ACOT9: variants seen among roughly 807,000 people sequenced by gnomAD.
ACOT9 encodes acyl-coenzyme A thioesterase 9, mitochondrial.
A neutral mutation model predicts 39.7 loss-of-function variants in ACOT9; 34 were observed. The ratio of observed to expected loss-of-function variants is 0.86; its 90% CI spans 0.65 to 1.14. The LOEUF (loss-of-function observed/expected upper bound fraction) is 1.14, where lower values mean the gene tolerates loss of function less well. ACOT9 is among the 50% of genes most tolerant of loss of function. ACOT9 has a pLI of 0.00. For synonymous variants in ACOT9, 110 were observed against 120.5 expected, an observed-to-expected ratio of 0.91 and a Z score of 0.57; for missense variants, 313 against 344.1, an observed-to-expected ratio of 0.91 and a Z score of 0.71.
At chrX:23,731,861 GAGA>G (rs1929766397) in intron 4 of ACOT9, among the ~76,000 whole-genome samples, 1 of 111,782 alleles carries the variant, frequency 8.9e-6, no homozygotes, top group Admixed American at 9.7e-5. Flanking sequence ...AGAAAAAGAA[GAGA>G]AGATTAAGGT....
intron 9 of ACOT9, among the ~76,000 whole-genome samples, chrX:23,708,198 A>T (rs759810143): frequency 1.8e-5 from 2 of 112,475 alleles, no homozygotes; most frequent in African/African-American, 6.4e-5. Flanking sequence ...AATCATGAGG[A>T]AACAGTCAAA....
At chrX:23,741,204 G>A (rs1261438281) in intron 1 of ACOT9, among the ~76,000 whole-genome samples, 4 of 110,352 alleles carry the variant, frequency 3.6e-5, no homozygotes, top group Non-Finnish European at 3.8e-5. Context: ...GGGAACCCTC[G>A]TACACTATTG....
intron 2 of ACOT9, among the ~76,000 whole-genome samples, chrX:23,735,242 A>T (rs1405788792): frequency 5.0e-5 from 1 of 19,878 alleles, no homozygotes; most frequent in Non-Finnish European, 7.3e-5. Context: ...CTCCATCCCA[A>T]AAAAAAAAAA....
At chrX:23,728,305 A>G (rs1397258701) in intron 6 of ACOT9, among the ~76,000 whole-genome samples, 2 of 110,768 alleles carry the variant, frequency 1.8e-5, no homozygotes, top group Admixed American at 2.0e-4. Context: ...ATGGCAGAGC[A>G]TGTCACAGCT....
rs753687786 is a variant in ACOT9 at position 23,701,257 on chromosome X, CAT to C, written c.*2635_*2636del. On this transcript the variant is annotated 3_prime_UTR_variant, in exon 16 of 16. Coordinates refer to ENST00000379303, the MANE Select transcript of ACOT9 (RefSeq NM_001037171.2). ...TCCCTCCCCATTAGCCACCTCCCATCATGTCATAGGTAGATATGCAAAATGCT... is the reference window on the plus strand; with the variant it reads ...TCCCTCCCCATTAGCCACCTCCCATCGTCATAGGTAGATATGCAAAATGCT... 9.0e-6 allele frequency among the ~76,000 whole-genome samples: 1 copy of C among 111,384 alleles called. No individual in the cohort carries two copies. The highest frequency in any genetic ancestry group is 3.3e-5 in the African/African-American group (1 of 30,736).
intron 6 of ACOT9, among the ~76,000 whole-genome samples, chrX:23,726,200 C>CA (rs1601815935): frequency 9.3e-6 from 1 of 107,866 alleles, no homozygotes; most frequent in South Asian, 3.9e-4. Context: ...AACTACAGCT[C>CA]AAAAAAAATA....
intron 8 of ACOT9, among the ~76,000 whole-genome samples, chrX:23,720,039 T>C (rs1368034858): frequency 2.7e-5 from 3 of 111,992 alleles, no homozygotes; most frequent in South Asian, 3.6e-4. Flanking sequence ...TTCACCGTGT[T>C]AGCCAGGATG....
chrX:23,713,172 T>C lies in ACOT9; in HGVS notation c.625A>G (p.Thr209Ala), dbSNP rs1928958358. Reference sequence around the variant, plus strand: ...GAATCACGAGCCACCATTACAAATGTTGCATCCAAAACAGGACAAAATTCA... The same window carrying C: ...GAATCACGAGCCACCATTACAAATGCTGCATCCAAAACAGGACAAAATTCA... ...GDEFCPVLDA[T>A]FVMVARDSEN... The change falls in exon 9 of 16, where the codon ACA becomes GCA. Residue 209 changes from threonine (T) to alanine (A), a missense_variant. Physicochemically the swap from Thr to Ala is moderately conservative, Grantham distance 58. Transcript: ENST00000379303. 1 of 1,207,671 alleles carries C rather than the reference T, an allele frequency of 8.3e-7. No individual in the cohort carries two copies. Among genetic ancestry groups the C allele is most frequent in the South Asian group, 1.8e-5 (1 of 56,569 alleles).
At position 23,706,897 on chromosome X, in the gene ACOT9, C is replaced by T. The variant is rs1475746966; in HGVS notation, c.731-158G>A. 1.5e-5 allele frequency: 6 copies of T among 403,177 alleles called. No individual in the cohort carries two copies. The East Asian group carries it at 2.5e-4, about 17-fold the overall frequency. The allele number at this position is 403,177 out of a possible 1,213,427, so 33.2% of individuals were successfully genotyped here. ...TAAAACTCCCAGTGAGTCTTTGGTT[C>T]CACATGGAAATTATATTGGTTCAGT... On this transcript the variant is annotated intron_variant, in intron 10 of 15. Transcript: ENST00000379303.
intron 8 of ACOT9, among the ~76,000 whole-genome samples, chrX:23,715,943 A>G (rs1199915204): frequency 3.6e-5 from 4 of 112,306 alleles, no homozygotes; most frequent in Admixed American, 2.9e-4. Context: ...TGATTGCTAA[A>G]TGAATGTTAA....
chrX:23,721,857 G>A, intron 8 of ACOT9, 24 bp downstream of exon 8: 1 of 1,158,968 alleles, frequency 8.6e-7, no homozygotes, highest in Non-Finnish European at 1.2e-6. Context: ...TTAAACAGTG[G>A]ACAATCTTCA....
intron 8 of ACOT9, among the ~76,000 whole-genome samples, chrX:23,715,378 C>G (rs1039940149): frequency 1.8e-5 from 2 of 111,770 alleles, no homozygotes; most frequent in African/African-American, 6.5e-5. Flanking sequence ...TCCCCTCCCC[C>G]ATCCCTATTC....
chrX:23,722,845 G>T, intron 6 of ACOT9, 92 bp from the exon 7 acceptor site: 1 of 543,416 alleles, frequency 1.8e-6, no homozygotes, highest in Non-Finnish European at 3.0e-6. Flanking sequence ...GAAAAGCCTT[G>T]TCTCGCTTGG....
chrX:23,704,569 G>T, intron 15 of ACOT9, 125 bp downstream of exon 15: 1 of 867,756 alleles, frequency 1.2e-6, no homozygotes, highest in Admixed American at 3.1e-5. Flanking sequence ...AATCTCAAAA[G>T]CAAAATCTCC....
rs1928571791 is a variant in ACOT9 at position 23,703,957 on chromosome X, C to T, written c.1284G>A (p.Gln428=). ...YGESMLYLDG[Q]RHFNSMSGPA... is the part of the protein sequence containing the mutation. Reference sequence around the variant, plus strand: ...GGCCACTCATGGAGTTGAAATGCCGCTGCCCATCTAAGTACAACATGGACT... The same window carrying T: ...GGCCACTCATGGAGTTGAAATGCCGTTGCCCATCTAAGTACAACATGGACT... The change falls in exon 16 of 16, where the codon CAG becomes CAA. Residue 428 remains glutamine, a synonymous_variant. Transcript: ENST00000379303. 1 of 1,208,803 alleles carries T rather than the reference C, an allele frequency of 8.3e-7. No homozygotes were observed. The highest frequency in any genetic ancestry group is 1.1e-6 in the Non-Finnish European group (1 of 894,540).
rs1366030250 is a variant in ACOT9 at position 23,702,381 on chromosome X, T to C, written c.*1513A>G. 1 of 106,944 alleles carries C rather than the reference T, an allele frequency of 9.4e-6. No individual in the cohort carries two copies. The highest frequency in any genetic ancestry group is 3.4e-5 in the African/African-American group (1 of 29,196). 8.8% of individuals were successfully genotyped at this position (106,944 alleles called of 1,213,427 possible). A position where few individuals can be genotyped will look rare whatever the true frequency, so the allele number is the denominator to read the frequency against. ...CAGTTCTCTGCCTCAGCCTCCCGAG[T>C]AGCTGGGATTACAGGCGTCCGCCAC... On this transcript the variant is annotated 3_prime_UTR_variant, in exon 16 of 16. Transcript: ENST00000379303.
At chrX:23,726,669 CTT>C (rs202115217) in intron 6 of ACOT9, among the ~76,000 whole-genome samples, 117 of 96,638 alleles carry the variant, frequency 1.2e-3, no homozygotes, top group East Asian at 3.0e-3. Context: ...TTTTACTTAT[CTT>C]TTTTTTTTTT....
Position 23,705,010 on chromosome X carries a change from G to A in ACOT9, c.1090C>T (p.Leu364Phe), listed in dbSNP as rs1291748536. 1.7e-6 allele frequency: 2 copies of A among 1,209,216 alleles called. No individual in the cohort carries two copies. The highest frequency in any genetic ancestry group is 2.2e-6 in the Non-Finnish European group (2 of 894,750). The change falls in exon 14 of 16, where the codon CTC becomes TTC. Residue 364 changes from leucine to phenylalanine, a missense_variant. Physicochemically the swap from Leu to Phe is conservative, Grantham distance 22. Transcript: ENST00000379303. ...FQKPVEVGSL[L>F]FLSSQVCFTQ... ...ACACCTACCTGTGAAGAAAGAAAGAGCAATGAGCCAACCTCAACAGGTTTC... is the reference window on the plus strand; with the variant it reads ...ACACCTACCTGTGAAGAAAGAAAGAACAATGAGCCAACCTCAACAGGTTTC...
chrX:23,737,993 C>T (rs750173311), intron 1 of ACOT9, among the ~76,000 whole-genome samples: 17 of 106,885 alleles, frequency 1.6e-4, no homozygotes, highest in African/African-American at 5.8e-4. Flanking sequence ...CTCAACCTCC[C>T]GAGTAGCTGG....
Sources: gnomAD v4.1 joint callset for allele counts (sites outside exome capture counted in the v4.1 genomes callset) on GRCh38, gnomAD v4.1.1 for gene constraint, MANE v1.5 for transcripts, NCBI Gene and HGNC (gene_info 2026-07-23, HGNC 2026-07-21) for gene names.